PHACTR4: variants seen among roughly 807,000 people sequenced by gnomAD.
The protein encoded by PHACTR4 is phosphatase and actin regulator 4, also known as protein phosphatase 1, regulatory subunit 124.
In PHACTR4, 51 loss-of-function variants were observed where a neutral mutation model predicts 72.7. The observed-to-expected ratio is 0.70, with a 90% CI of 0.56 to 0.89. The LOEUF (loss-of-function observed/expected upper bound fraction) is 0.89, where lower values mean the gene tolerates loss of function less well. Ranked by LOEUF, PHACTR4 falls within the 40% of genes least tolerant of loss-of-function variation. PHACTR4 has a pLI of 0.00. For missense variants in PHACTR4, 731 were observed against 861.8 expected, an observed-to-expected ratio of 0.85 and a Z score of 1.90; for synonymous variants, 255 against 302.5, an observed-to-expected ratio of 0.84 and a Z score of 1.63.
At chr1:28,428,006 A>G (rs1655984286) in intron 2 of PHACTR4, among the ~76,000 whole-genome samples, 1 of 152,216 alleles carries the variant, frequency 6.6e-6, no homozygotes, top group Non-Finnish European at 1.5e-5. Flanking sequence ...TGTGAGCTTC[A>G]AATCACTGAC....
At chr1:28,487,840 A>T (rs1466901047) in intron 9 of PHACTR4, among the ~76,000 whole-genome samples, 10 of 144,856 alleles carry the variant, frequency 6.9e-5, no homozygotes, top group Non-Finnish European at 1.5e-5. Context: ...AGGTTCAAGC[A>T]TTCTCCTGCC....
chr1:28,399,246 G>C (rs11247802), intron 1 of PHACTR4, among the ~76,000 whole-genome samples: 42,563 of 151,330 alleles, frequency 0.28, 6,082 homozygotes, highest in Middle Eastern at 0.35. Context: ...CAGGAGGCGG[G>C]GGTTATAGTA....
In PHACTR4 at chr1:28,493,047, A is replaced by G. The variant is rs753901748; in HGVS notation, c.2049A>G (p.Lys683=). 2 of 1,613,650 alleles carry G rather than the reference A, an allele frequency of 1.2e-6. No individual in the cohort carries two copies. The highest frequency in any genetic ancestry group is 4.5e-5 in the East Asian group (2 of 44,886). The part of the protein sequence containing the change: ...AAIRKELNEF[K]SSEMEVHEES... The stretch of plus-strand genomic sequence containing the variant: ...TAAGAAAAGAATTAAATGAATTTAA[A>G]AGCTCCGAGATGGAGGTTCATGAAG... The change falls in exon 13 of 14, where the codon AAA becomes AAG. Residue 683 remains lysine, a synonymous_variant. Transcript: ENST00000373839.
At chr1:28,374,852 T>G (rs1651517596) in intron 1 of PHACTR4, among the ~76,000 whole-genome samples, 1 of 152,248 alleles carries the variant, frequency 6.6e-6, no homozygotes, top group Non-Finnish European at 1.5e-5. Context: ...CTTGAGCAAC[T>G]CAACCTCTTT....
At chr1:28,375,100 A>T (rs1395173375) in intron 1 of PHACTR4, among the ~76,000 whole-genome samples, 3 of 152,236 alleles carry the variant, frequency 2.0e-5, no homozygotes, top group African/African-American at 7.2e-5. Context: ...GGAGTTCGAG[A>T]CGAGCCTGGC....
intron 2 of PHACTR4, among the ~76,000 whole-genome samples, chr1:28,413,056 A>G (rs998660749): frequency 5.3e-5 from 8 of 151,692 alleles, no homozygotes; most frequent in Admixed American, 3.9e-4. Context: ...ATCCCAAACC[A>G]CCCCAACACC....
At chr1:28,395,325 G>GTGA (rs1200263465) in intron 1 of PHACTR4, among the ~76,000 whole-genome samples, 2 of 152,166 alleles carry the variant, frequency 1.3e-5, no homozygotes, top group East Asian at 3.9e-4. Flanking sequence ...GTCATGATCA[G>GTGA]TGATGATGAT....
At chr1:28,455,190 C>CTTTTTCTT (rs140757542) in intron 2 of PHACTR4, among the ~76,000 whole-genome samples, 3 of 108,396 alleles carry the variant, frequency 2.8e-5, no homozygotes, top group Non-Finnish European at 5.3e-5. Context: ...TTTTCTTTTT[C>CTTTTTCTT]TTTCTTTCTT....
At chr1:28,414,706 C>T (rs1172898342) in intron 2 of PHACTR4, among the ~76,000 whole-genome samples, 1 of 152,112 alleles carries the variant, frequency 6.6e-6, no homozygotes, top group African/African-American at 2.4e-5. Flanking sequence ...ATATCCCTAC[C>T]ATCAGTTGCC....
intron 2 of PHACTR4, among the ~76,000 whole-genome samples, chr1:28,431,021 A>T (rs1426322112): frequency 6.6e-6 from 1 of 150,620 alleles, no homozygotes; most frequent in Admixed American, 6.6e-5. Context: ...ACTAAAAAAT[A>T]CAAAAAAATT....
chr1:28,483,178 C>T (rs1023118965), intron 9 of PHACTR4, among the ~76,000 whole-genome samples: 2 of 148,730 alleles, frequency 1.3e-5, no homozygotes, highest in African/African-American at 2.5e-5. Flanking sequence ...CTGAGGTGGG[C>T]GGATCACTTG....
chr1:28,460,663 C>T (rs1204409852), intron 4 of PHACTR4, among the ~76,000 whole-genome samples: 4 of 152,188 alleles, frequency 2.6e-5, no homozygotes, highest in Non-Finnish European at 5.9e-5. Context: ...CACCTGTCAC[C>T]ACCCCCAGCT....
chr1:28,396,157 A>G (rs933661301), intron 1 of PHACTR4, among the ~76,000 whole-genome samples: 2 of 152,040 alleles, frequency 1.3e-5, no homozygotes, highest in Non-Finnish European at 2.9e-5. Flanking sequence ...AGAAATAGCA[A>G]AGAAAGTTAT....
At chr1:28,403,471 G>A (rs1231823638) in intron 1 of PHACTR4, among the ~76,000 whole-genome samples, 1 of 152,132 alleles carries the variant, frequency 6.6e-6, no homozygotes, top group East Asian at 1.9e-4. Flanking sequence ...CAGCAGTCCT[G>A]TCATTCCTTA....
rs746910650 is a variant in PHACTR4, at chr1:28,465,763, C to G, written c.350C>G (p.Ser117Cys). Reference protein sequence around the residue: ...HTTPIGNARSSSPVQVEEEPV... With the variant: ...HTTPIGNARSCSPVQVEEEPV... ...ACCCCCATAGGGAATGCCAGATCAT[C>G]TAGTCCAGTCCAAGTAGAGGAAGAG... Residue 117 changes from serine (S) to cysteine (C), a missense_variant, in exon 5 of 14, where the codon TCT becomes TGT. Ser to Cys is a moderately radical substitution (Grantham distance 112, BLOSUM62 -1). Transcript: ENST00000373839. 6.2e-7 allele frequency: 1 copy of G among 1,614,022 alleles called. No individual in the cohort carries two copies. Among genetic ancestry groups the G allele is most frequent in the South Asian group, 1.1e-5 (1 of 91,068 alleles).
chr1:28,414,834 A>G (rs577136881), intron 2 of PHACTR4, among the ~76,000 whole-genome samples: 101 of 152,204 alleles, frequency 6.6e-4, no homozygotes, highest in Middle Eastern at 3.4e-3. Flanking sequence ...GGAAAGTGAT[A>G]GAGGAATCAA....
chr1:28,454,014 G>A lies in PHACTR4; in HGVS notation c.17-5071G>A, dbSNP rs1392019052. 1.5e-5 allele frequency: 6 copies of A among 413,266 alleles called. No homozygotes were observed. The East Asian group carries it at 2.4e-4, about 16-fold the overall frequency. 25.6% of individuals were successfully genotyped at this position (413,266 alleles called of 1,614,324 possible). ...GAGGATCCCTTGAGCTCAGGGGTTT[G>A]AGACCAGCCTGGGCAAGATAGCAAG... On this transcript the variant is annotated intron_variant, in intron 2 of 13. Transcript: ENST00000373839.
chr1:28,445,991 A>G (rs1657441310), intron 2 of PHACTR4, among the ~76,000 whole-genome samples: 1 of 150,744 alleles, frequency 6.6e-6, no homozygotes, highest in Admixed American at 6.6e-5. Flanking sequence ...CTACATAACA[A>G]CAATAAAACT....
intron 1 of PHACTR4, among the ~76,000 whole-genome samples, chr1:28,379,611 A>T (rs1651976656): frequency 7.6e-6 from 1 of 131,536 alleles, no homozygotes. Context: ...TTTTTTTGAG[A>T]TGGGGTCTCG....
Sources: allele counts gnomAD v4.1 joint callset (sites outside exome capture counted in the v4.1 genomes callset), GRCh38; gene constraint gnomAD v4.1.1; transcripts MANE v1.5; gene names NCBI Gene and HGNC (gene_info 2026-07-23, HGNC 2026-07-21).